ZBTB41: variants seen among roughly 807,000 people sequenced by gnomAD.
ZBTB41 encodes the protein zinc finger and BTB domain-containing protein 41.
Under a neutral mutation model 87.6 loss-of-function variants are expected in ZBTB41, and 42 were observed. That is an observed-to-expected ratio of 0.48 (90% confidence interval 0.37 to 0.62). The LOEUF (loss-of-function observed/expected upper bound fraction) is 0.62. Among genes scored for constraint, ZBTB41 ranks in the 20% least tolerant of loss-of-function variants. The probability of loss-of-function intolerance (pLI) is 0.00; values close to 1 mark genes in which losing one functional copy is unlikely to be tolerated. For synonymous variants in ZBTB41, 364 were observed against 364.0 expected (o/e 1.00, Z 0.00); for missense variants, 799 against 1,078.9 (o/e 0.74, Z 3.63).
intron 2 of ZBTB41, among the ~76,000 whole-genome samples, chr1:197,194,112 G>A (rs928759229): frequency 1.1e-4 from 17 of 151,850 alleles, no homozygotes; most frequent in African/African-American, 3.6e-4. Context: ...TCTGCCTCCC[G>A]GGTTCAAGCG....
At chr1:197,174,173 T>A (rs1036043694) in intron 9 of ZBTB41, among the ~76,000 whole-genome samples, 1 of 152,064 alleles carries the variant, frequency 6.6e-6, no homozygotes, top group East Asian at 1.9e-4. Flanking sequence ...TGCTAAGCCA[T>A]ACAGATTTTC....
intron 6 of ZBTB41, among the ~76,000 whole-genome samples, chr1:197,179,130 T>G: frequency 6.6e-6 from 1 of 152,020 alleles, no homozygotes; most frequent in East Asian, 1.9e-4. Context: ...ATATCTAAAG[T>G]GCTGAGTAAT....
Position 197,154,499 on chromosome 1 carries a change from T to A in ZBTB41, c.*4860A>T, listed in dbSNP as rs1462548942. 1 of 152,090 alleles carries A rather than the reference T, an allele frequency of 6.6e-6. No homozygotes were observed. The highest frequency in any genetic ancestry group is 2.4e-5 in the African/African-American group (1 of 41,454). The allele number at this position is 152,090 out of a possible 1,614,324, so 9.4% of individuals were successfully genotyped here. A position where few individuals can be genotyped will look rare whatever the true frequency, so the allele number is the denominator to read the frequency against. On this transcript the variant is annotated 3_prime_UTR_variant, in exon 11 of 11. Transcript: ENST00000367405. Reference sequence around the variant, plus strand: ...AGTTGAAACATGAGTAAACAAAACATAAGCACTCTCTCTACAAAAACCTTC... The same window carrying A: ...AGTTGAAACATGAGTAAACAAAACAAAAGCACTCTCTCTACAAAAACCTTC...
intron 8 of ZBTB41, among the ~76,000 whole-genome samples, chr1:197,176,338 T>C (rs544245623): frequency 6.6e-6 from 1 of 152,186 alleles, no homozygotes; most frequent in East Asian, 1.9e-4. Flanking sequence ...TTACACTTTA[T>C]AGTCACAAAG....
intron 5 of ZBTB41, among the ~76,000 whole-genome samples, chr1:197,184,852 TTG>T (rs1436900382): frequency 6.6e-6 from 1 of 151,754 alleles, no homozygotes; most frequent in Non-Finnish European, 1.5e-5. Flanking sequence ...TTCGCTCTTG[TTG>T]CCCAGGCTGG....
In ZBTB41 at chr1:197,175,090, T is replaced by G; in HGVS notation, c.1905A>C (p.Glu635Asp). ...CCCTACGACCAAAACATTTTCCACA[T>G]TCTTCACACTGATGAGCTTTTTCAC... ...HSGEKAHQCE[E>D]CGKCFGRRDH... Residue 635 changes from glutamate to aspartate, a missense_variant, in exon 9 of 11, where the codon GAA (glutamate) becomes GAC (aspartate). Transcript: ENST00000367405. 1 of 1,611,088 alleles carries G rather than the reference T, an allele frequency of 6.2e-7. No homozygotes were observed. The highest frequency in any genetic ancestry group is 8.5e-7 in the Non-Finnish European group (1 of 1,178,320).
chr1:197,171,258 C>A (rs1422187998), intron 10 of ZBTB41, among the ~76,000 whole-genome samples: 1 of 152,052 alleles, frequency 6.6e-6, no homozygotes, highest in African/African-American at 2.4e-5. Context: ...TATGCTCTCC[C>A]AAATTATGCC....
intron 2 of ZBTB41, among the ~76,000 whole-genome samples, chr1:197,195,344 A>C (rs1660137752): frequency 6.6e-6 from 1 of 152,210 alleles, no homozygotes; most frequent in South Asian, 2.1e-4. Context: ...CCTTATACAG[A>C]GTTTACTCCC....
chr1:197,174,046 T>A (rs1659540552), intron 9 of ZBTB41, among the ~76,000 whole-genome samples: 1 of 152,140 alleles, frequency 6.6e-6, no homozygotes. Context: ...AAGTGATATT[T>A]TCAACATAAA....
chr1:197,169,676 G>T (rs1244288315), intron 10 of ZBTB41, among the ~76,000 whole-genome samples: 1 of 151,914 alleles, frequency 6.6e-6, no homozygotes, highest in Admixed American at 6.6e-5. Flanking sequence ...AACTGTTTGA[G>T]ATTTGTGCAC....
In ZBTB41 at chr1:197,175,346, T is replaced by A. The variant is rs150920046; in HGVS notation, c.1880-231A>T. ...TTTCCCCGCTTGGAAAAGGAATCAA[T>A]AGCCTTTTGTTGAACACTTCAAATC... On this transcript the variant is annotated intron_variant, in intron 8 of 10. Transcript: ENST00000367405. 7.2e-4 allele frequency among the ~76,000 whole-genome samples: 105 copies of A among 146,694 alleles called. 1 individual carries two copies. The East Asian group carries it at 0.021, about 30-fold the overall frequency.
At chr1:197,186,300 A>G (rs2125135534) in intron 5 of ZBTB41, among the ~76,000 whole-genome samples, 1 of 152,074 alleles carries the variant, frequency 6.6e-6, no homozygotes, top group East Asian at 1.9e-4. Flanking sequence ...AAATACATCT[A>G]GACACAGACC....
rs1659100830 is a variant in ZBTB41, at chr1:197,157,655, C to A, written c.*1704G>T. On this transcript the variant is annotated 3_prime_UTR_variant, in exon 11 of 11. Transcript: ENST00000367405. The stretch of plus-strand genomic sequence containing the variant: ...TAAGACAATTACAACCAAACCTTGA[C>A]AAATGAGGCTAAACTCAGATTGGTT... 6.6e-6 allele frequency: 1 copy of A among 152,268 alleles called. No individual in the cohort carries two copies. Among genetic ancestry groups the A allele is most frequent in the South Asian group, 2.1e-4 (1 of 4,834 alleles). 9.4% of individuals were successfully genotyped at this position (152,268 alleles called of 1,614,324 possible). A position where few individuals can be genotyped will look rare whatever the true frequency, so the allele number is the denominator to read the frequency against.
rs1457837709 is a variant in ZBTB41 at position 197,154,111 on chromosome 1, G to A, written c.*5248C>T. 1 of 152,428 alleles carries A rather than the reference G, an allele frequency of 6.6e-6. No individual in the cohort carries two copies. Among genetic ancestry groups the A allele is most frequent in the Non-Finnish European group, 1.5e-5 (1 of 67,952 alleles). 9.4% of individuals were successfully genotyped at this position (152,428 alleles called of 1,614,324 possible). On this transcript the variant is annotated 3_prime_UTR_variant, in exon 11 of 11. Transcript: ENST00000367405. ...ACAGTTTTATCAATAGGGATAAGAA[G>A]AGTTCAATCGTTAGAAGGAATAAAA...
chr1:197,196,893 G>A (rs1660177087), intron 2 of ZBTB41, among the ~76,000 whole-genome samples: 2 of 151,988 alleles, frequency 1.3e-5, no homozygotes, highest in Admixed American at 6.6e-5. Context: ...AATACTATCT[G>A]CTCTGAGACA....
chr1:197,159,550 C>T lies in ZBTB41; in HGVS notation c.2539G>A (p.Asp847Asn), dbSNP rs147158075. ...GCTAAATCCGCTGCTCGTGGATAATCAGTTGACTGTGGCTGTGGTGACAGA... is the reference window on the plus strand; with the variant it reads ...GCTAAATCCGCTGCTCGTGGATAATTAGTTGACTGTGGCTGTGGTGACAGA... Reference protein sequence around the residue: ...EILSPQPQSTDYPRAADLAFL... With the variant: ...EILSPQPQSTNYPRAADLAFL... Residue 847 changes from aspartate (D) to asparagine (N), a missense_variant, in exon 11 of 11, where the codon GAT becomes AAT. By Grantham distance (23) the Asp-to-Asn change is conservative. Around this residue, in one of 5 missense-constraint regions of ZBTB41, gnomAD observed 171 missense variants for 191.9 expected, o/e 0.89. Transcript: ENST00000367405. 1,426 of 1,613,886 alleles carry T rather than the reference C, an allele frequency of 8.8e-4. No homozygotes were observed. The highest frequency in any genetic ancestry group is 3.4e-3 in the Admixed American group (201 of 59,976).
intron 5 of ZBTB41, among the ~76,000 whole-genome samples, chr1:197,183,607 A>T (rs1659810233): frequency 6.6e-6 from 1 of 152,218 alleles, no homozygotes; most frequent in African/African-American, 2.4e-5. Flanking sequence ...TACTAGTTAG[A>T]TTACCTATTG....
At chr1:197,196,981 G>A (rs964409020) in intron 2 of ZBTB41, among the ~76,000 whole-genome samples, 5 of 151,922 alleles carry the variant, frequency 3.3e-5, no homozygotes, top group African/African-American at 4.8e-5. Flanking sequence ...GTTTTTTCAT[G>A]TACCCATTAA....
chr1:197,190,909 G>A, intron 3 of ZBTB41, 78 bp from the exon 4 acceptor site: 1 of 914,612 alleles, frequency 1.1e-6, no homozygotes, highest in Non-Finnish European at 1.7e-6. Context: ...TATGTTGACA[G>A]TAATTACCAG....
Sources: allele counts gnomAD v4.1 joint callset (sites outside exome capture counted in the v4.1 genomes callset), GRCh38; gene constraint gnomAD v4.1.1; regional missense constraint gnomAD v4.1.1; transcripts MANE v1.5; gene names NCBI Gene and HGNC (gene_info 2026-07-23, HGNC 2026-07-21).